The following MBNL3 variants were observed in gnomAD, a reference collection of about 807,000 sequenced individuals.
MBNL3 encodes muscleblind like splicing regulator 3, also known as muscleblind-like protein 3.
In MBNL3, 6 loss-of-function variants were observed where a neutral mutation model predicts 24.5. The observed-to-expected ratio is 0.25, with a 90% CI of 0.13 to 0.48. The LOEUF (loss-of-function observed/expected upper bound fraction) is 0.48, where lower values mean the gene tolerates loss of function less well. MBNL3 is among the 20% of genes least tolerant of loss of function. The probability of loss-of-function intolerance (pLI) is 0.99; values close to 1 mark genes in which losing one functional copy is unlikely to be tolerated. For synonymous variants in MBNL3, 100 were observed against 101.7 expected, an observed-to-expected ratio of 0.98 and a Z score of 0.10; for missense variants, 230 against 293.5, an observed-to-expected ratio of 0.78 and a Z score of 1.58.
chrX:132,385,907 G>GA lies in MBNL3; in HGVS notation c.922+753dup, dbSNP rs1393198759. 1.0e-3 allele frequency among the ~76,000 whole-genome samples: 103 copies of GA among 99,775 alleles called. 1 individual carries two copies. Among genetic ancestry groups the GA allele is most frequent in the South Asian group, 8.0e-3 (18 of 2,247 alleles). The allele number at this position is 99,775 out of a possible 115,157, so 86.6% of individuals were successfully genotyped here. ...ATTGTGTCAAAAAAAAAAAAAAATG[G>GA]AAAAAAAAAACTGCTGTACTCTCAA... On this transcript the variant is annotated intron_variant, in intron 6 of 8. Transcript: ENST00000370853.
intron 1 of MBNL3, among the ~76,000 whole-genome samples, chrX:132,441,598 A>G (rs1484044765): frequency 8.9e-6 from 1 of 112,239 alleles, no homozygotes; most frequent in Non-Finnish European, 1.9e-5. Context: ...CAAAATCACA[A>G]TGTGATGACC....
rs181104745 is a variant in MBNL3, at chrX:132,452,089, C to T, written c.-703-11775G>A. Among the ~76,000 whole-genome samples the T allele has an allele frequency of 5.4e-5, 6 of 111,591 alleles. No individual in the cohort carries two copies. The South Asian group carries it at 1.9e-3, about 36-fold the overall frequency. On this transcript the variant is annotated intron_variant, in intron 1 of 8. Transcript: ENST00000370853. ...TCTTCTAAGTTGATCTCGCTGGGAG[C>T]TGCAGTCCAAAGCTGTTCCTATTCT...
At chrX:132,455,560 T>C (rs1160438247) in intron 1 of MBNL3, among the ~76,000 whole-genome samples, 1 of 111,936 alleles carries the variant, frequency 8.9e-6, no homozygotes, top group Admixed American at 9.5e-5. Context: ...GAAGGATTCA[T>C]TTACTTGGAC....
chrX:132,440,388 A>C (rs1945330466), intron 1 of MBNL3, among the ~76,000 whole-genome samples, 74 bp from the exon 2 acceptor site: 1 of 112,155 alleles, frequency 8.9e-6, no homozygotes. Context: ...TTTGGAAAAG[A>C]AGTAACTATA....
intron 1 of MBNL3, among the ~76,000 whole-genome samples, chrX:132,449,601 A>G (rs992519246): frequency 1.9e-5 from 2 of 105,372 alleles, no homozygotes; most frequent in Non-Finnish European, 3.9e-5. Context: ...CTGACTCTTT[A>G]TCCAATTTGC....
At chrX:132,387,930 A>C (rs1215080896) in intron 5 of MBNL3, among the ~76,000 whole-genome samples, 1 of 111,793 alleles carries the variant, frequency 8.9e-6, no homozygotes, top group Non-Finnish European at 1.9e-5. Flanking sequence ...TTGCCCCTGG[A>C]TCAGATTCTT....
At position 132,439,779 on chromosome X, in the gene MBNL3, G is replaced by A; in HGVS notation, c.-168C>T. 1 of 751,244 alleles carries A rather than the reference G, an allele frequency of 1.3e-6. No homozygotes were observed. The allele number at this position is 751,244 out of a possible 1,213,427, so 61.9% of individuals were successfully genotyped here. The stretch of plus-strand genomic sequence containing the variant: ...TTTCATTAAAGTCAAATCTGGTCTA[G>A]TCAAACAAAAAGCCAATCATAAAAA... On this transcript the variant is annotated 5_prime_UTR_variant, in exon 2 of 9. Coordinates refer to ENST00000370853, the MANE Select transcript of MBNL3 (RefSeq NM_001386889.1).
At chrX:132,454,152 CAAATT>C (rs1489504541) in intron 1 of MBNL3, among the ~76,000 whole-genome samples, 2 of 110,799 alleles carry the variant, frequency 1.8e-5, no homozygotes, top group Non-Finnish European at 3.8e-5. Context: ...TGAATTGAAT[CAAATT>C]AAATTTTGGT....
chrX:132,380,134 A>G (rs1415704741), intron 8 of MBNL3, among the ~76,000 whole-genome samples: 2 of 112,515 alleles, frequency 1.8e-5, no homozygotes, highest in African/African-American at 6.5e-5. Context: ...GTACAAAATT[A>G]CATTTTTGAA....
chrX:132,433,361 G>A (rs1944897994), intron 2 of MBNL3, among the ~76,000 whole-genome samples: 1 of 111,985 alleles, frequency 8.9e-6, no homozygotes, highest in African/African-American at 3.3e-5. Context: ...ATGAATGGTG[G>A]CCACATTCCC....
At chrX:132,406,676 T>C (rs186117302) in intron 2 of MBNL3, among the ~76,000 whole-genome samples, 7 of 112,075 alleles carry the variant, frequency 6.2e-5, no homozygotes, top group Admixed American at 3.8e-4. Flanking sequence ...ATGTTTTTTA[T>C]TGATGTTAAG....
chrX:132,396,956 A>G (rs1195261128), intron 3 of MBNL3, among the ~76,000 whole-genome samples: 2 of 83,527 alleles, frequency 2.4e-5, no homozygotes, highest in East Asian at 7.0e-4. Flanking sequence ...ATTCATATAT[A>G]TTCATATATA....
chrX:132,396,359 CCT>C (rs1380339519), intron 3 of MBNL3, among the ~76,000 whole-genome samples: 13 of 76,041 alleles, frequency 1.7e-4, no homozygotes, highest in South Asian at 5.7e-4. Context: ...TATATATATT[CCT>C]ATATATATTC....
chrX:132,403,352 A>G (rs1941266074), intron 3 of MBNL3, among the ~76,000 whole-genome samples: 1 of 111,695 alleles, frequency 9.0e-6, no homozygotes, highest in South Asian at 3.8e-4. Flanking sequence ...GGCTCATCGC[A>G]TCATAACAGC....
chrX:132,439,623 A>G lies in MBNL3; in HGVS notation c.-12T>C, dbSNP rs755587113. The G allele has an allele frequency of 8.4e-7, 1 of 1,189,937 alleles. No homozygotes were observed. Among genetic ancestry groups the G allele is most frequent in the South Asian group, 1.9e-5 (1 of 52,382 alleles). On this transcript the variant is annotated 5_prime_UTR_variant, in exon 2 of 9. Transcript: ENST00000370853. ...TTGACAGCCGTCATATTGAAAGCAAAATTAAAATCCAATGTACCCTCTTTA... is the reference window on the plus strand; with the variant it reads ...TTGACAGCCGTCATATTGAAAGCAAGATTAAAATCCAATGTACCCTCTTTA...
In MBNL3 at chrX:132,396,914, A is replaced by ATT. The variant is rs1281468544; in HGVS notation, c.343-4581_343-4580insAA. ...TATATATATTCATATATACATATAT[A>ATT]CATATATATTCATATATACATTCAT... On this transcript the variant is annotated intron_variant, in intron 3 of 8. Coordinates refer to ENST00000370853, the MANE Select transcript of MBNL3 (RefSeq NM_001386889.1). 5.9e-3 allele frequency among the ~76,000 whole-genome samples: 312 copies of ATT among 52,832 alleles called. 11 individuals are homozygous for ATT. Among genetic ancestry groups the ATT allele is most frequent in the African/African-American group, 0.025 (262 of 10,628 alleles). 45.9% of individuals were successfully genotyped at this position (52,832 alleles called of 115,157 possible).
chrX:132,389,360 G>T (rs1936721656), intron 5 of MBNL3, among the ~76,000 whole-genome samples: 1 of 111,930 alleles, frequency 8.9e-6, no homozygotes, highest in East Asian at 2.8e-4. Context: ...GGAGCAATTT[G>T]CAGTATTTGG....
At chrX:132,420,386 G>T (rs1943693560) in intron 2 of MBNL3, among the ~76,000 whole-genome samples, 1 of 110,921 alleles carries the variant, frequency 9.0e-6, no homozygotes, top group Non-Finnish European at 1.9e-5. Flanking sequence ...TGAAAGCTCA[G>T]CTCAGGCCGT....
intron 2 of MBNL3, among the ~76,000 whole-genome samples, chrX:132,414,925 G>T (rs1394561524): frequency 1.8e-5 from 2 of 111,318 alleles, no homozygotes; most frequent in Non-Finnish European, 3.8e-5. Context: ...TAACAAGATG[G>T]ATATTTTCCT....
Sources: gnomAD v4.1 joint callset for allele counts (sites outside exome capture counted in the v4.1 genomes callset) on GRCh38, gnomAD v4.1.1 for gene constraint, MANE v1.5 for transcripts, NCBI Gene and HGNC (gene_info 2026-07-23, HGNC 2026-07-21) for gene names.